GRIK2: variants seen among roughly 807,000 people sequenced by gnomAD.
GRIK2 encodes the protein glutamate ionotropic receptor kainate type subunit 2, also known as glutamate receptor ionotropic, kainate 2.
In GRIK2, 32 loss-of-function variants were observed where a neutral mutation model predicts 100.3. The observed-to-expected ratio is 0.32, with a 90% CI of 0.24 to 0.43. The LOEUF is 0.43. Among genes scored for constraint, GRIK2 ranks in the 20% least tolerant of loss-of-function variants. The pLI, the probability that GRIK2 is intolerant of heterozygous loss-of-function variation, is 1.00. For synonymous variants in GRIK2, 417 were observed against 389.4 expected (o/e 1.07, Z -0.83); for missense variants, 843 against 1,114.9 (o/e 0.76, Z 3.47).
intron 7 of GRIK2, among the ~76,000 whole-genome samples, chr6:101,791,628 G>C (rs1352881824): frequency 1.3e-5 from 2 of 151,918 alleles, no homozygotes; most frequent in East Asian, 1.9e-4. Flanking sequence ...TTACTTCCCA[G>C]TATGTGGTCA....
At chr6:101,999,769 T>C (rs1794837054) in intron 14 of GRIK2, among the ~76,000 whole-genome samples, 1 of 152,090 alleles carries the variant, frequency 6.6e-6, no homozygotes, top group African/African-American at 2.4e-5. Flanking sequence ...GGGGAAAACA[T>C]TCATTTTTAC....
chr6:101,802,326 C>T lies in GRIK2; in HGVS notation c.1096-5C>T. On this transcript the variant is annotated splice_region_variant and splice_polypyrimidine_tract_variant and intron_variant, in intron 8 of 16. Transcript: ENST00000369134. ...TTTATTATCAATGTTTTTCTATTCC[C>T]ATAGGCACATTGGGAAGGCCTCACA... The T allele has an allele frequency of 7.4e-7, 1 of 1,342,886 alleles. No individual in the cohort carries two copies. 83.2% of individuals were successfully genotyped at this position (1,342,886 alleles called of 1,614,324 possible). A position where few individuals can be genotyped will look rare whatever the true frequency, so the allele number is the denominator to read the frequency against.
At chr6:101,960,233 C>A (rs1043785523) in intron 14 of GRIK2, among the ~76,000 whole-genome samples, 50 of 150,570 alleles carry the variant, frequency 3.3e-4, no homozygotes, top group African/African-American at 1.2e-3. Context: ...TTTTAATTAA[C>A]ATCCTGATTT....
chr6:101,663,906 C>T (rs1769820833), intron 4 of GRIK2, among the ~76,000 whole-genome samples: 1 of 152,174 alleles, frequency 6.6e-6, no homozygotes, highest in African/African-American at 2.4e-5. Context: ...CACCAAATCA[C>T]ACCAGTCTGG....
chr6:101,869,888 T>C (rs1785283791), intron 11 of GRIK2, among the ~76,000 whole-genome samples: 1 of 151,844 alleles, frequency 6.6e-6, no homozygotes, highest in African/African-American at 2.4e-5. Context: ...TTTTCTATTG[T>C]GCATGCCTAG....
chr6:101,696,755 T>G (rs73761402), intron 7 of GRIK2, among the ~76,000 whole-genome samples: 3 of 151,918 alleles, frequency 2.0e-5, no homozygotes. Flanking sequence ...GCAGGTTATA[T>G]ATAGAAAGAA....
chr6:101,612,615 A>G lies in GRIK2; in HGVS notation c.116-9334A>G, dbSNP rs570117. Among the ~76,000 whole-genome samples the G allele has an allele frequency of 6.6e-3, 1,002 of 151,902 alleles. 15 individuals are homozygous for G. Among genetic ancestry groups the G allele is most frequent in the African/African-American group, 0.023 (975 of 41,492 alleles). ...ATTGAGCACATAAAGCAAAGACACA[A>G]TTAGTTCAGTGCAGTTAGGACCAGT... is the stretch of plus-strand genomic sequence containing the variant. On this transcript the variant is annotated intron_variant, in intron 2 of 16. Transcript: ENST00000369134.
chr6:101,572,956 C>G (rs996403543), intron 2 of GRIK2, among the ~76,000 whole-genome samples: 3 of 151,914 alleles, frequency 2.0e-5, no homozygotes, highest in Non-Finnish European at 2.9e-5. Context: ...TCAAGAGGTT[C>G]TTGCCTCAGC....
In GRIK2 at chr6:101,674,235, C is replaced by A. The variant is rs367958877; in HGVS notation, c.542-2388C>A. ...GAAATTGGCCTCATTCTTTTATGAC[C>A]AAGAAGGTCATCTGGGAAGATTGGT... On this transcript the variant is annotated intron_variant, in intron 4 of 16. Coordinates refer to ENST00000369134, the MANE Select transcript of GRIK2 (RefSeq NM_021956.5). Among the ~76,000 whole-genome samples, 9 of 152,180 alleles carry A rather than the reference C, an allele frequency of 5.9e-5. No homozygotes were observed. In the East Asian group the frequency reaches 1.7e-3, roughly 29 times the overall value.
chr6:101,717,681 A>T (rs939283749), intron 7 of GRIK2, among the ~76,000 whole-genome samples: 9 of 151,900 alleles, frequency 5.9e-5, no homozygotes, highest in Admixed American at 2.6e-4. Flanking sequence ...GCCAGTGAAT[A>T]GTAATTCGGT....
chr6:101,947,638 G>T (rs1301569556), intron 14 of GRIK2, among the ~76,000 whole-genome samples: 1 of 152,036 alleles, frequency 6.6e-6, no homozygotes, highest in African/African-American at 2.4e-5. Flanking sequence ...CCTTCTGTTT[G>T]CTTTGTTAAA....
chr6:101,401,330 C>G (rs1775292380), intron 2 of GRIK2, among the ~76,000 whole-genome samples: 1 of 152,066 alleles, frequency 6.6e-6, no homozygotes, highest in Non-Finnish European at 1.5e-5. Context: ...AAAATCTTGG[C>G]GACTGTAGCA....
intron 4 of GRIK2, among the ~76,000 whole-genome samples, chr6:101,636,952 T>TCA (rs1023524554): frequency 2.6e-5 from 4 of 152,142 alleles, no homozygotes; most frequent in African/African-American, 9.7e-5. Context: ...AGTTCTTGTA[T>TCA]CATCTCTCTG....
At chr6:101,405,937 A>G (rs759460465) in intron 2 of GRIK2, among the ~76,000 whole-genome samples, 1 of 152,204 alleles carries the variant, frequency 6.6e-6, no homozygotes, top group African/African-American at 2.4e-5. Context: ...TAAACTTCAG[A>G]TTTGTAAACA....
At chr6:101,815,415 C>T (rs2128420487) in intron 9 of GRIK2, among the ~76,000 whole-genome samples, 1 of 152,070 alleles carries the variant, frequency 6.6e-6, no homozygotes, top group South Asian at 2.1e-4. Flanking sequence ...ACTTTTGAAG[C>T]ACTTTCATAT....
intron 2 of GRIK2, among the ~76,000 whole-genome samples, chr6:101,464,936 A>C (rs1184992010): frequency 6.6e-6 from 1 of 152,136 alleles, no homozygotes; most frequent in African/African-American, 2.4e-5. Context: ...GAATTAGATT[A>C]ATATTCTTTC....
intron 2 of GRIK2, among the ~76,000 whole-genome samples, chr6:101,524,421 A>G (rs957095702): frequency 6.6e-6 from 1 of 152,020 alleles, no homozygotes; most frequent in Non-Finnish European, 1.5e-5. Context: ...ACAGATATAT[A>G]ATTTCTAAGG....
chr6:101,743,205 C>T (rs1459900286), intron 7 of GRIK2, among the ~76,000 whole-genome samples: 1 of 152,130 alleles, frequency 6.6e-6, no homozygotes, highest in Non-Finnish European at 1.5e-5. Flanking sequence ...CAAGAGCTGA[C>T]CAAGTTCCTG....
chr6:101,934,310 AT>A (rs1357987800), intron 14 of GRIK2, among the ~76,000 whole-genome samples: 1 of 151,874 alleles, frequency 6.6e-6, no homozygotes, highest in Admixed American at 6.6e-5. Flanking sequence ...CAACTGCTTG[AT>A]TATATTAAGT....
Sources: gnomAD v4.1 joint callset for allele counts (sites outside exome capture counted in the v4.1 genomes callset) on GRCh38, gnomAD v4.1.1 for gene constraint, MANE v1.5 for transcripts, NCBI Gene and HGNC (gene_info 2026-07-23, HGNC 2026-07-21) for gene names.